KIF26B: variants seen among roughly 807,000 people sequenced by gnomAD.
The protein encoded by KIF26B is kinesin family member 26B, also known as kinesin-like protein KIF26B.
In KIF26B, 63 loss-of-function variants were observed where a neutral mutation model predicts 151.2. That is an observed-to-expected ratio of 0.42 (90% CI 0.34 to 0.51). The LOEUF is 0.51. KIF26B is among the 20% of genes least tolerant of loss of function. KIF26B has a pLI of 0.07. For missense variants in KIF26B, 2,813 were observed against 2,913.6 expected, an observed-to-expected ratio of 0.97 and a Z score of 0.79; for synonymous variants, 1,357 against 1,262.1, an observed-to-expected ratio of 1.08 and a Z score of -1.59.
chr1:245,686,633 G>A lies in KIF26B; in HGVS notation c.3650G>A (p.Cys1217Tyr), dbSNP rs373888020. 13 of 1,610,768 alleles carry A rather than the reference G, an allele frequency of 8.1e-6. No individual in the cohort carries two copies. Among genetic ancestry groups the A allele is most frequent in the Non-Finnish European group, 1.1e-5 (13 of 1,178,938 alleles). ...PTSIISFNSD[C>Y]SARALASGSR... Reference sequence around the variant, plus strand: ...AGCATCATCAGCTTCAACAGCGACTGCTCTGCACGGGCCCTGGCCTCGGGC... The same window carrying A: ...AGCATCATCAGCTTCAACAGCGACTACTCTGCACGGGCCCTGGCCTCGGGC... Residue 1217 changes from cysteine (C) to tyrosine (Y), a missense_variant, in exon 12 of 15, where the codon TGC (cysteine) becomes TAC (tyrosine). Cys to Tyr is a radical substitution (Grantham distance 194). Around this residue, in one of 3 missense-constraint regions of KIF26B, gnomAD observed 2,060 missense variants for 2,088.6 expected, o/e 0.99. Transcript: ENST00000407071. The surrounding 1 kb of genome is among the most constrained non-coding windows in gnomAD (Gnocchi z 5.6).
chr1:245,519,221 G>A (rs573763362), intron 4 of KIF26B, among the ~76,000 whole-genome samples: 277 of 152,180 alleles, frequency 1.8e-3, no homozygotes, highest in Non-Finnish European at 2.9e-3. Context: ...TAGTTAAGAA[G>A]TTTGAGTATC....
chr1:245,366,762 C>A, intron 2 of KIF26B, 72 bp from the exon 3 acceptor site: 1 of 1,461,214 alleles, frequency 6.8e-7, no homozygotes. Flanking sequence ...GACTGGTAAG[C>A]CAGGTATCTG....
At position 245,698,257 on chromosome 1, in the gene KIF26B, T is replaced by C. The variant is rs1377055142; in HGVS notation, c.5976T>C (p.Tyr1992=). ...GLGEPFEIKV[Y]EIDDVERLQR... ...GGGAACCCTTTGAGATTAAAGTCTA[T>C]GAAATCGATGACGTGGAGCGCCTGC... Residue 1992 remains tyrosine, a synonymous_variant, in exon 13 of 15, where the codon TAT becomes TAC. Coordinates refer to ENST00000407071, the MANE Select transcript of KIF26B (RefSeq NM_018012.4). The surrounding 1 kb of genome is among the most constrained non-coding windows in gnomAD (Gnocchi z 4.0). 6.2e-7 allele frequency: 1 copy of C among 1,613,818 alleles called. No homozygotes were observed. The highest frequency in any genetic ancestry group is 1.7e-5 in the Admixed American group (1 of 60,022).
chr1:245,390,942 A>AAAAAAAACAAAACAAAAC (rs1673678434), intron 3 of KIF26B, among the ~76,000 whole-genome samples: 4 of 145,348 alleles, frequency 2.8e-5, no homozygotes, highest in African/African-American at 1.1e-4. Context: ...AAAAAAAAAA[A>AAAAAAAACAAAACAAAAC]AAAAAAAAAA....
chr1:245,626,615 T>A (rs1265492378), intron 9 of KIF26B, among the ~76,000 whole-genome samples: 2 of 152,058 alleles, frequency 1.3e-5, no homozygotes, highest in African/African-American at 4.8e-5. Flanking sequence ...CTGTTTTGAG[T>A]TCCCTGGATA....
chr1:245,591,395 G>C (rs991448295), intron 5 of KIF26B, among the ~76,000 whole-genome samples: 9 of 152,138 alleles, frequency 5.9e-5, no homozygotes, highest in African/African-American at 2.2e-4. Flanking sequence ...ATGGGCATTT[G>C]CTCTTTTAAT....
At chr1:245,578,672 C>A (rs1005464185) in intron 5 of KIF26B, among the ~76,000 whole-genome samples, 1 of 152,202 alleles carries the variant, frequency 6.6e-6, no homozygotes, top group Admixed American at 6.5e-5. Flanking sequence ...CTGTGTTTCC[C>A]TTGTATAAAG....
intron 4 of KIF26B, among the ~76,000 whole-genome samples, chr1:245,470,284 A>G (rs1160542658): frequency 6.6e-6 from 1 of 152,144 alleles, no homozygotes; most frequent in African/African-American, 2.4e-5. Flanking sequence ...GGCTGTCACA[A>G]TCATCTAGAT....
At chr1:245,200,625 A>AT (rs1240278211) in intron 2 of KIF26B, among the ~76,000 whole-genome samples, 1 of 151,996 alleles carries the variant, frequency 6.6e-6, no homozygotes, top group Admixed American at 6.6e-5. Context: ...TTTAATATAC[A>AT]TTTTTTCTCT....
intron 9 of KIF26B, among the ~76,000 whole-genome samples, chr1:245,628,001 C>T (rs904789024): frequency 1.3e-5 from 2 of 152,126 alleles, no homozygotes; most frequent in Non-Finnish European, 2.9e-5. Context: ...AGCCTACCAA[C>T]CAAAAAAAGT....
chr1:245,359,647 C>A (rs961474203), intron 2 of KIF26B, among the ~76,000 whole-genome samples: 1 of 151,578 alleles, frequency 6.6e-6, no homozygotes, highest in African/African-American at 2.4e-5. Flanking sequence ...TCCTTCCTTC[C>A]TTCATTCCTT....
chr1:245,295,325 C>T lies in KIF26B; in HGVS notation c.466-71509C>T, dbSNP rs182468540. 2.0e-3 allele frequency among the ~76,000 whole-genome samples: 301 copies of T among 152,220 alleles called. 1 individual carries two copies. Among genetic ancestry groups the T allele is most frequent in the Middle Eastern group, 0.017 (5 of 294 alleles). On this transcript the variant is annotated intron_variant, in intron 2 of 14. Transcript: ENST00000407071. ...TAATTGATTTTTCACAAAATGGAAC[C>T]GGTTGACTGCTTGACTCAACTAGTC... is the stretch of plus-strand genomic sequence containing the variant.
chr1:245,247,825 C>T (rs1670365795), intron 2 of KIF26B, among the ~76,000 whole-genome samples: 1 of 152,202 alleles, frequency 6.6e-6, no homozygotes, highest in South Asian at 2.1e-4. Flanking sequence ...CTCGTGGCCT[C>T]AACCACTATT....
intron 3 of KIF26B, among the ~76,000 whole-genome samples, chr1:245,369,974 C>T (rs1179092790): frequency 6.6e-6 from 1 of 152,166 alleles, no homozygotes; most frequent in Non-Finnish European, 1.5e-5. Flanking sequence ...GGCTTCTTTG[C>T]ATCATGGGAT....
At chr1:245,580,863 C>T (rs184962874) in intron 5 of KIF26B, among the ~76,000 whole-genome samples, 12 of 152,218 alleles carry the variant, frequency 7.9e-5, no homozygotes, top group Non-Finnish European at 1.3e-4. Context: ...CCTCCTTCCT[C>T]GTTCTGCCCA....
intron 2 of KIF26B, among the ~76,000 whole-genome samples, chr1:245,304,374 A>G (rs1671497086): frequency 6.6e-6 from 1 of 152,212 alleles, no homozygotes; most frequent in Non-Finnish European, 1.5e-5. Context: ...GCTTCTGCTA[A>G]TTGCCTTGCG....
At chr1:245,356,005 G>A (rs763603242) in intron 2 of KIF26B, among the ~76,000 whole-genome samples, 15 of 152,226 alleles carry the variant, frequency 9.9e-5, no homozygotes, top group Non-Finnish European at 1.6e-4. Flanking sequence ...TCGTCAGCAC[G>A]CAGATTCCAG....
At chr1:245,365,521 A>ACCC (rs571291949) in intron 2 of KIF26B, among the ~76,000 whole-genome samples, 5 of 144,896 alleles carry the variant, frequency 3.5e-5, no homozygotes, top group African/African-American at 1.3e-4. Flanking sequence ...ACTCCCCCCC[A>ACCC]CCAGCCTACA....
chr1:245,221,554 C>T (rs899241002), intron 2 of KIF26B, among the ~76,000 whole-genome samples: 2 of 151,674 alleles, frequency 1.3e-5, no homozygotes, highest in Non-Finnish European at 2.9e-5. Flanking sequence ...TTACAGGCCC[C>T]TACCACCACG....
Sources: gnomAD v4.1 joint callset for allele counts (sites outside exome capture counted in the v4.1 genomes callset) on GRCh38, gnomAD v4.1.1 for gene constraint, gnomAD v4.1.1 regional missense constraint, Gnocchi (gnomAD v3.1) non-coding constraint, MANE v1.5 for transcripts, NCBI Gene and HGNC (gene_info 2026-07-23, HGNC 2026-07-21) for gene names.